Variants in PRRC2A observed in about 807,000 individuals in gnomAD.
The protein encoded by PRRC2A is proline rich coiled-coil 2A, also known as protein PRRC2A.
A neutral mutation model predicts 224.6 loss-of-function variants in PRRC2A; 59 were observed. The observed-to-expected ratio is 0.26, with a 90% CI of 0.21 to 0.33. PRRC2A has a LOEUF of 0.33. PRRC2A is among the 10% of genes least tolerant of loss of function. PRRC2A has a pLI of 1.00. For missense variants in PRRC2A, 3,095 were observed against 2,880.7 expected (o/e 1.07, Z -1.70); for synonymous variants, 1,194 against 1,109.5 (o/e 1.08, Z -1.51).
rs768142388 is a variant in PRRC2A at position 31,636,855 on chromosome 6, C to A, written c.6057C>A (p.Pro2019=). ...LLPVGPALQP[P]SLAVRPPPAP... ...CTGTGGGCCCTGCTCTGCAGCCCCC[C>A]AGCCTGGCTGTGCGGCCCCCACCTG... Residue 2019 remains proline (P), a synonymous_variant, in exon 28 of 31, where the codon CCC becomes CCA. Transcript: ENST00000376033. The surrounding 1 kb of genome is among the most constrained non-coding windows in gnomAD (Gnocchi z 4.3). 7 of 1,612,738 alleles carry A rather than the reference C, an allele frequency of 4.3e-6. No individual in the cohort carries two copies. The highest frequency in any genetic ancestry group is 5.1e-6 in the Non-Finnish European group (6 of 1,180,032).
chr6:31,632,364 A>G lies in PRRC2A; in HGVS notation c.3691A>G (p.Asn1231Asp), dbSNP rs141495447. 1,986 of 1,613,270 alleles carry G rather than the reference A, an allele frequency of 1.2e-3. 10 individuals carry two copies. Among genetic ancestry groups the G allele is most frequent in the Non-Finnish European group, 9.3e-4 (1,102 of 1,179,894 alleles). The change falls in exon 16 of 31, where the codon AAT becomes GAT. Residue 1231 changes from asparagine (N) to aspartate (D), a missense_variant. By Grantham distance (23) the Asn-to-Asp change is conservative (BLOSUM62 1). Coordinates refer to ENST00000376033, the MANE Select transcript of PRRC2A (RefSeq NM_004638.4). ...GCGCGGAGGCAGCAATGGAGGTAGC[A>G]ATGTGGGCATGGAAGATGGGGAGCG... is the stretch of plus-strand genomic sequence containing the variant. ...VARGGSNGGS[N>D]VGMEDGERPR...
intron 14 of PRRC2A, 136 bp from the exon 15 acceptor site, chr6:31,630,455 A>G (rs1040219059): frequency 3.3e-5 from 25 of 760,846 alleles, no homozygotes; most frequent in Non-Finnish European, 4.9e-5. Context: ...ACCTTGTTAT[A>G]TAAGAGCAGG....
chr6:31,623,023 C>T, intron 2 of PRRC2A, 122 bp downstream of exon 2: 2 of 891,792 alleles, frequency 2.2e-6, no homozygotes, highest in Non-Finnish European at 3.8e-6. Context: ...AGGAGATTTC[C>T]CAACTTTACA....
rs1306783457 is a variant in PRRC2A, at chr6:31,625,126, C to T, written c.464-45C>T. 2 of 1,585,738 alleles carry T rather than the reference C, an allele frequency of 1.3e-6. No homozygotes were observed. Among genetic ancestry groups the T allele is most frequent in the East Asian group, 2.3e-5 (1 of 44,404 alleles). On this transcript the variant is annotated intron_variant, in intron 5 of 30. Coordinates refer to ENST00000376033, the MANE Select transcript of PRRC2A (RefSeq NM_004638.4). The surrounding 1 kb of genome is among the most constrained non-coding windows in gnomAD (Gnocchi z 4.1). ...GTCTTCCACTTTTATAGCATGTCCTCAGGAAATGTCTTCTGTCTCCTGTTC... is the reference window on the plus strand; with the variant it reads ...GTCTTCCACTTTTATAGCATGTCCTTAGGAAATGTCTTCTGTCTCCTGTTC...
intron 18 of PRRC2A, 95 bp downstream of exon 18, chr6:31,634,084 A>G: frequency 6.3e-7 from 1 of 1,576,972 alleles, no homozygotes; most frequent in African/African-American, 1.4e-5. Context: ...TGTTTCTTTC[A>G]CTGTGTTTTT....
In PRRC2A at chr6:31,635,199, G is replaced by A. The variant is rs1236935873; in HGVS notation, c.5228G>A (p.Arg1743Gln). The change falls in exon 22 of 31, where the codon CGA becomes CAA. Residue 1743 changes from arginine (R) to glutamine (Q), a missense_variant. Coordinates refer to ENST00000376033, the MANE Select transcript of PRRC2A (RefSeq NM_004638.4). ...IGTERSQRTD[R>Q]GTEPGPIRPS... ...ACAGAACGATCACAGCGTACAGACCGAGGCACAGAGCCTGGCCCCATTCGG... is the reference window on the plus strand; with the variant it reads ...ACAGAACGATCACAGCGTACAGACCAAGGCACAGAGCCTGGCCCCATTCGG... 5.6e-6 allele frequency: 9 copies of A among 1,612,864 alleles called. No homozygotes were observed. The highest frequency in any genetic ancestry group is 3.3e-4 in the Middle Eastern group (2 of 6,058).
rs1166119877 is a variant in PRRC2A, at chr6:31,631,672, A to G, written c.2999A>G (p.Asn1000Ser). The G allele has an allele frequency of 2.0e-6, 3 of 1,513,852 alleles. No homozygotes were observed. The highest frequency in any genetic ancestry group is 1.8e-6 in the Non-Finnish European group (2 of 1,132,896). 93.8% of individuals were successfully genotyped at this position (1,513,852 alleles called of 1,614,324 possible). Residue 1000 changes from asparagine to serine, a missense_variant, in exon 16 of 31, where the codon AAT (asparagine) becomes AGT (serine). By Grantham distance (46) the Asn-to-Ser change is conservative. Transcript: ENST00000376033. This position sits in a 1 kb window ranked among gnomAD's most constrained non-coding sequence, Gnocchi z 4.5. ...GGGGGCCCCAAGGAGACCCCACCCA[A>G]TGGAAATCTTTCCCCTGCCCCAAGG... ...KLGGPKETPP[N>S]GNLSPAPRLR...
chr6:31,624,880 C>T (rs1240508769), intron 5 of PRRC2A: 4 of 517,492 alleles, frequency 7.7e-6, no homozygotes, highest in African/African-American at 7.6e-5. Context: ...CTCACTGCAA[C>T]CTCTGCCTCC....
rs749391656 is a variant in PRRC2A, at chr6:31,632,898, G to GGCA, written c.4233_4235dup (p.Ser1412dup). On this transcript the variant is annotated inframe_insertion, in exon 16 of 31. Transcript: ENST00000376033. ...CCCAGGGGGCAAGGCTGGCAGCAGTGGCAGCAGCAGTGGAGGAGGCGGTGG... is the reference window on the plus strand; with the variant it reads ...CCCAGGGGGCAAGGCTGGCAGCAGTGGCAGCAGCAGCAGTGGAGGAGGCGGTGG... 3 of 1,612,804 alleles carry GGCA rather than the reference G, an allele frequency of 1.9e-6. No homozygotes were observed. The highest frequency in any genetic ancestry group is 8.5e-7 in the Non-Finnish European group (1 of 1,179,842).
chr6:31,625,915 CT>C lies in PRRC2A; in HGVS notation c.839+46del. On this transcript the variant is annotated intron_variant, in intron 8 of 30. Transcript: ENST00000376033. This position sits in a 1 kb window ranked among gnomAD's most constrained non-coding sequence, Gnocchi z 4.1. ...GGTTTGTGGCTGGGGGCAGGGGAAG[CT>C]TATTGGGGGAGGAGATGGTTTTCTA... 1.9e-6 allele frequency: 3 copies of C among 1,581,192 alleles called. No homozygotes were observed. The highest frequency in any genetic ancestry group is 2.6e-6 in the Non-Finnish European group (3 of 1,154,018).
In PRRC2A at chr6:31,630,805, A is replaced by G; in HGVS notation, c.2465+4A>G. The G allele has an allele frequency of 6.2e-7, 1 of 1,613,722 alleles. No homozygotes were observed. The highest frequency in any genetic ancestry group is 8.5e-7 in the Non-Finnish European group (1 of 1,179,846). ...ATGAGGATGACAAGGGGATGAGGTGAGTCTTGGTCATGAGAAATGGGTGAG... is the reference window on the plus strand; with the variant it reads ...ATGAGGATGACAAGGGGATGAGGTGGGTCTTGGTCATGAGAAATGGGTGAG... On this transcript the variant is annotated splice_donor_region_variant and intron_variant, in intron 15 of 30. Coordinates refer to ENST00000376033, the MANE Select transcript of PRRC2A (RefSeq NM_004638.4).
chr6:31,629,047 T>C (rs915959924), intron 12 of PRRC2A, 97 bp from the exon 13 acceptor site: 58 of 1,243,988 alleles, frequency 4.7e-5, no homozygotes, highest in East Asian at 3.7e-4. Context: ...AATATTTTAG[T>C]CTTAAGGGAG....
At position 31,636,607 on chromosome 6, in the gene PRRC2A, A is replaced by G; in HGVS notation, c.5933A>G (p.Gln1978Arg). 1 of 1,597,870 alleles carries G rather than the reference A, an allele frequency of 6.3e-7. No homozygotes were observed. The highest frequency in any genetic ancestry group is 8.5e-7 in the Non-Finnish European group (1 of 1,171,778). The change falls in exon 27 of 31, where the codon CAG becomes CGG. Residue 1978 changes from glutamine (Q) to arginine (R), a missense_variant and splice_region_variant. Gln to Arg is a conservative substitution (Grantham distance 43). Around this residue, in one of 8 missense-constraint regions of PRRC2A, gnomAD observed 662 missense variants for 609.5 expected, o/e 1.09. Transcript: ENST00000376033. This position sits in a 1 kb window ranked among gnomAD's most constrained non-coding sequence, Gnocchi z 4.3. ...CTCCCTTCAGGGGCTCCTGCCCAGC[A>G]GGTATATTGTATCTTCACACTTCCC... ...GFLPSGAPAQ[Q>R]MLLPMVDSQL...
In PRRC2A at chr6:31,633,492, A is replaced by G. The variant is rs1289859455; in HGVS notation, c.4433A>G (p.Gln1478Arg). The change falls in exon 17 of 31, where the codon CAG (glutamine) becomes CGG (arginine). Residue 1478 changes from glutamine (Q) to arginine (R), a missense_variant. By Grantham distance (43) the Gln-to-Arg change is conservative. Coordinates refer to ENST00000376033, the MANE Select transcript of PRRC2A (RefSeq NM_004638.4). ...VIHSNPAGIQ[Q>R]ALAQLSSRQG... ...CACAGCAACCCTGCTGGCATCCAAC[A>G]GGCTCTGGCCCAGCTTAGTAGCCGT... 1 of 1,612,988 alleles carries G rather than the reference A, an allele frequency of 6.2e-7. No individual in the cohort carries two copies. Among genetic ancestry groups the G allele is most frequent in the Non-Finnish European group, 8.5e-7 (1 of 1,180,042 alleles).
Position 31,625,764 on chromosome 6 carries a change from G to C in PRRC2A, c.760-28G>C. ...TAGAAGGGTATATGACTGTCCCTCT[G>C]AGCAGCTACTGTTGGACCCTTTTAC... On this transcript the variant is annotated intron_variant, in intron 7 of 30. Coordinates refer to ENST00000376033, the MANE Select transcript of PRRC2A (RefSeq NM_004638.4). The surrounding 1 kb of genome is among the most constrained non-coding windows in gnomAD (Gnocchi z 4.1). The C allele has an allele frequency of 6.4e-7, 1 of 1,556,712 alleles. No homozygotes were observed. Among genetic ancestry groups the C allele is most frequent in the Non-Finnish European group, 8.9e-7 (1 of 1,127,978 alleles).
chr6:31,622,946 TGCATGGGGCATACGTTTTAGA>T, intron 2 of PRRC2A, 45 bp downstream of exon 2: 1 of 1,454,066 alleles, frequency 6.9e-7, no homozygotes, highest in Non-Finnish European at 9.7e-7. Context: ...AAGCTAGGCA[TGCATGGGGCATACGTTTTAGA>T]GCTCTTTAAA....
chr6:31,621,328 T>G (rs763427110), intron 1 of PRRC2A, among the ~76,000 whole-genome samples: 1 of 152,016 alleles, frequency 6.6e-6, no homozygotes, highest in Non-Finnish European at 1.5e-5. Context: ...GTCGAGCCAC[T>G]CCCACTCTAG....
chr6:31,629,806 C>T lies in PRRC2A; in HGVS notation c.2215C>T (p.Pro739Ser), dbSNP rs1776333690. The T allele has an allele frequency of 6.2e-7, 1 of 1,613,790 alleles. No individual in the cohort carries two copies. The highest frequency in any genetic ancestry group is 8.5e-7 in the Non-Finnish European group (1 of 1,179,738). Residue 739 changes from proline (P) to serine (S), a missense_variant, in exon 14 of 31, where the codon CCC becomes TCC. Physicochemically the swap from Pro to Ser is moderately conservative, Grantham distance 74. Around this residue, in one of 8 missense-constraint regions of PRRC2A, gnomAD observed 2,001 missense variants for 1,764.9 expected, o/e 1.13. Coordinates refer to ENST00000376033, the MANE Select transcript of PRRC2A (RefSeq NM_004638.4). ...YVDPRLLQGRPPLDFYPPGVH... is the reference protein window; with the variant it reads ...YVDPRLLQGRSPLDFYPPGVH... The stretch of plus-strand genomic sequence containing the variant: ...GGACCCCCGGCTCCTCCAGGGTCGT[C>T]CCCCTCTAGACTTCTACCCTCCTGG...
At position 31,636,883 on chromosome 6, in the gene PRRC2A, C is replaced by T. The variant is rs755403247; in HGVS notation, c.6085C>T (p.Pro2029Ser). ...CCTGGCTGTGCGGCCCCCACCTGCT[C>T]CTGCTACTCGGGTGCTGCCTTCACC... ...PSLAVRPPPA[P>S]ATRVLPSPAR... is the part of the protein sequence containing the mutation. The change falls in exon 28 of 31, where the codon CCT becomes TCT. Residue 2029 changes from proline (P) to serine (S), a missense_variant. This residue lies in a region of PRRC2A where 662 missense variants were observed against 609.5 expected (regional missense o/e 1.09). Coordinates refer to ENST00000376033, the MANE Select transcript of PRRC2A (RefSeq NM_004638.4). The surrounding 1 kb of genome is among the most constrained non-coding windows in gnomAD (Gnocchi z 4.3). 6.8e-6 allele frequency: 11 copies of T among 1,612,920 alleles called. No individual in the cohort carries two copies. Among genetic ancestry groups the T allele is most frequent in the East Asian group, 2.2e-5 (1 of 44,890 alleles).
Sources: allele counts gnomAD v4.1 joint callset (sites outside exome capture counted in the v4.1 genomes callset), GRCh38; gene constraint gnomAD v4.1.1; regional missense constraint gnomAD v4.1.1; non-coding constraint Gnocchi (gnomAD v3.1); transcripts MANE v1.5; gene names NCBI Gene and HGNC (gene_info 2026-07-23, HGNC 2026-07-21).